Variants in DNAJC15 observed in about 807,000 individuals in gnomAD.
The protein encoded by DNAJC15 is dnaJ homolog subfamily C member 15.
DNAJC15 carries 27 observed loss-of-function variants against 22.4 expected under a neutral mutation model. That is an observed-to-expected ratio of 1.20 (90% CI 0.89 to 1.66). The LOEUF (loss-of-function observed/expected upper bound fraction) is 1.66, where lower values mean the gene tolerates loss of function less well. Among genes scored for constraint, DNAJC15 ranks in the 40% most tolerant of loss-of-function variants. DNAJC15 has a pLI of 0.00. For synonymous variants in DNAJC15, 79 were observed against 63.2 expected, an observed-to-expected ratio of 1.25 and a Z score of -1.19; for missense variants, 208 against 187.1, an observed-to-expected ratio of 1.11 and a Z score of -0.65.
intron 3 of DNAJC15, among the ~76,000 whole-genome samples, chr13:43,071,979 G>A (rs1002749459): frequency 6.6e-6 from 1 of 152,106 alleles, no homozygotes; most frequent in African/African-American, 2.4e-5. Flanking sequence ...TCAGCTGCTA[G>A]CTCCTTGAAA....
chr13:43,029,286 C>T (rs937358163), intron 1 of DNAJC15, among the ~76,000 whole-genome samples: 2 of 152,206 alleles, frequency 1.3e-5, no homozygotes, highest in Non-Finnish European at 2.9e-5. Flanking sequence ...AGTGAATAGT[C>T]TACGTCTTTC....
chr13:43,051,634 G>GGTGT lies in DNAJC15; in HGVS notation c.109-14027_109-14024dup, dbSNP rs57271276. ...TTTTTATGGCTGAGTAGTACTTCAT[G>GGTGT]GTGTGTGTGTGTGTGTGTGTGTGTG... On this transcript the variant is annotated intron_variant, in intron 1 of 5. Transcript: ENST00000379221. 8.4e-3 allele frequency among the ~76,000 whole-genome samples: 1,124 copies of GGTGT among 133,128 alleles called. 4 individuals carry two copies. Among genetic ancestry groups the GGTGT allele is most frequent in the African/African-American group, 0.026 (962 of 36,628 alleles). The allele number at this position is 133,128 out of a possible 152,430, so 87.3% of individuals were successfully genotyped here.
At chr13:43,024,307 G>A (rs1181094744) in intron 1 of DNAJC15, among the ~76,000 whole-genome samples, 1 of 146,776 alleles carries the variant, frequency 6.8e-6, no homozygotes, top group Non-Finnish European at 1.5e-5. Flanking sequence ...TCCAACAGAA[G>A]CATATTGTGA....
intron 1 of DNAJC15, among the ~76,000 whole-genome samples, chr13:43,033,101 C>T (rs1406510228): frequency 1.3e-5 from 2 of 152,132 alleles, no homozygotes; most frequent in African/African-American, 2.4e-5. Flanking sequence ...AAGGGGATGG[C>T]GCTAAACCAC....
rs1368017742 is a variant in DNAJC15, at chr13:43,048,129, T to G, written c.109-17557T>G. 2.0e-5 allele frequency among the ~76,000 whole-genome samples: 3 copies of G among 152,214 alleles called. No homozygotes were observed. The South Asian group carries it at 6.2e-4, about 32-fold the overall frequency. ...ATGCATTGTATATGGTCAGAGAGAA[T>G]GCAGTGAAAGCTATGCTTTTTGTAA... is the stretch of plus-strand genomic sequence containing the variant. On this transcript the variant is annotated intron_variant, in intron 1 of 5. Coordinates refer to ENST00000379221, the MANE Select transcript of DNAJC15 (RefSeq NM_013238.3).
At position 43,109,237 on chromosome 13, in the gene DNAJC15, T is replaced by C. The variant is rs1359682761; in HGVS notation, c.*1989T>C. On this transcript the variant is annotated 3_prime_UTR_variant, in exon 6 of 6. Transcript: ENST00000379221. The stretch of plus-strand genomic sequence containing the variant: ...ATAGGGGCTATAGCTTGGTACCTTG[T>C]GAAGCAACTCTTGGTGTAACATACC... 6 of 152,202 alleles carry C rather than the reference T, an allele frequency of 3.9e-5. No homozygotes were observed. The highest frequency in any genetic ancestry group is 1.4e-4 in the African/African-American group (6 of 41,450). The allele number at this position is 152,202 out of a possible 1,614,324, so 9.4% of individuals were successfully genotyped here. A position where few individuals can be genotyped will look rare whatever the true frequency, so the allele number is the denominator to read the frequency against.
At chr13:43,053,612 G>T (rs192288231) in intron 1 of DNAJC15, among the ~76,000 whole-genome samples, 57 of 152,126 alleles carry the variant, frequency 3.7e-4, no homozygotes, top group African/African-American at 1.4e-3. Context: ...CCTTGTAGAG[G>T]TTTTTTACCT....
intron 1 of DNAJC15, among the ~76,000 whole-genome samples, chr13:43,058,954 C>G (rs1227126355): frequency 6.6e-6 from 1 of 152,188 alleles, no homozygotes; most frequent in Non-Finnish European, 1.5e-5. Flanking sequence ...ACTTTGGGCA[C>G]TTAACGGTTT....
chr13:43,057,711 T>G (rs1466747587), intron 1 of DNAJC15, among the ~76,000 whole-genome samples: 1 of 152,204 alleles, frequency 6.6e-6, no homozygotes, highest in East Asian at 1.9e-4. Context: ...TTCTGGTTCT[T>G]TCTCGTTTGG....
intron 3 of DNAJC15, among the ~76,000 whole-genome samples, chr13:43,074,880 G>A (rs2040625621): frequency 6.6e-6 from 1 of 152,080 alleles, no homozygotes; most frequent in South Asian, 2.1e-4. Context: ...AACTCAATGA[G>A]CCCTCCATGT....
chr13:43,106,588 T>G lies in DNAJC15; in HGVS notation c.383-590T>G, dbSNP rs567531528. Among the ~76,000 whole-genome samples the G allele has an allele frequency of 4.9e-4, 75 of 152,274 alleles. 1 individual carries two copies. The highest frequency in any genetic ancestry group is 9.1e-4 in the Non-Finnish European group (62 of 67,970). ...ATTTCAGAGAACAAAAAAAATTTTT[T>G]GACATTATTTTTATCTCTCATTTAT... On this transcript the variant is annotated intron_variant, in intron 5 of 5. Coordinates refer to ENST00000379221, the MANE Select transcript of DNAJC15 (RefSeq NM_013238.3).
intron 5 of DNAJC15, among the ~76,000 whole-genome samples, chr13:43,095,041 C>CT (rs1359686778): frequency 6.6e-6 from 1 of 152,058 alleles, no homozygotes; most frequent in East Asian, 1.9e-4. Flanking sequence ...TTTTGACTGG[C>CT]TTTTTTTAGT....
At chr13:43,025,596 A>G (rs1252832472) in intron 1 of DNAJC15, among the ~76,000 whole-genome samples, 1 of 152,196 alleles carries the variant, frequency 6.6e-6, no homozygotes, top group Non-Finnish European at 1.5e-5. Context: ...AAGGTGAAAT[A>G]TTTTATTAGA....
intron 5 of DNAJC15, among the ~76,000 whole-genome samples, chr13:43,103,638 G>C (rs961831896): frequency 6.6e-6 from 1 of 152,214 alleles, no homozygotes; most frequent in Non-Finnish European, 1.5e-5. Context: ...GTGGAATCTT[G>C]TATGTGTGTC....
intron 4 of DNAJC15, among the ~76,000 whole-genome samples, chr13:43,084,231 A>G (rs187598850): frequency 5.8e-4 from 89 of 152,326 alleles, no homozygotes; most frequent in South Asian, 2.7e-3. Flanking sequence ...AAGTTAGGTT[A>G]TTTACACTTT....
At chr13:43,051,596 C>T (rs762074549) in intron 1 of DNAJC15, among the ~76,000 whole-genome samples, 2 of 151,582 alleles carry the variant, frequency 1.3e-5, no homozygotes, top group African/African-American at 2.4e-5. Context: ...CTGCAAATGC[C>T]GTTATTTGTT....
At chr13:43,040,948 T>C (rs1228679787) in intron 1 of DNAJC15, among the ~76,000 whole-genome samples, 3 of 152,246 alleles carry the variant, frequency 2.0e-5, no homozygotes, top group Non-Finnish European at 2.9e-5. Context: ...CCCATCTCAG[T>C]AGATGGAACA....
At chr13:43,072,919 A>C (rs1430517681) in intron 3 of DNAJC15, among the ~76,000 whole-genome samples, 4 of 152,232 alleles carry the variant, frequency 2.6e-5, no homozygotes, top group South Asian at 2.1e-4. Flanking sequence ...TTTTCTGGCA[A>C]CCCATTTTTT....
At chr13:43,091,368 G>C (rs1469321157) in intron 5 of DNAJC15, among the ~76,000 whole-genome samples, 1 of 152,200 alleles carries the variant, frequency 6.6e-6, no homozygotes, top group Non-Finnish European at 1.5e-5. Context: ...GATTACAGGC[G>C]TGAGCCACTG....
Sources: gnomAD v4.1 joint callset for allele counts (sites outside exome capture counted in the v4.1 genomes callset) on GRCh38, gnomAD v4.1.1 for gene constraint, MANE v1.5 for transcripts, NCBI Gene and HGNC (gene_info 2026-07-23, HGNC 2026-07-21) for gene names.